The following CACNG3 variants were observed in gnomAD, a reference collection of about 807,000 sequenced individuals.
The protein encoded by CACNG3 is calcium voltage-gated channel auxiliary subunit gamma 3.
A neutral mutation model predicts 28.5 loss-of-function variants in CACNG3; 3 were observed. That is an observed-to-expected ratio of 0.11 (90% CI 0.05 to 0.27). CACNG3 has a LOEUF of 0.27. CACNG3 is among the 10% of genes least tolerant of loss of function. The pLI, the probability that CACNG3 is intolerant of heterozygous loss-of-function variation, is 1.00. For synonymous variants in CACNG3, 174 were observed against 162.2 expected (o/e 1.07, Z -0.55); for missense variants, 236 against 414.4 (o/e 0.57, Z 3.74).
At chr16:24,342,319 T>A (rs925041951) in intron 1 of CACNG3, among the ~76,000 whole-genome samples, 3 of 152,128 alleles carry the variant, frequency 2.0e-5, no homozygotes, top group Admixed American at 2.0e-4. Flanking sequence ...ACTTAATTTT[T>A]AAAAATAAAA....
intron 2 of CACNG3, among the ~76,000 whole-genome samples, chr16:24,347,372 G>A (rs1382334952): frequency 6.6e-6 from 1 of 151,530 alleles, no homozygotes; most frequent in Admixed American, 6.6e-5. Context: ...AAGAGAAAGA[G>A]AAAGAGAAGG....
In CACNG3 at chr16:24,265,350, G is replaced by GGAAAGAAA. The variant is rs3060119; in HGVS notation, c.211+8398_211+8405dup. Among the ~76,000 whole-genome samples the GGAAAGAAA allele has an allele frequency of 8.5e-3, 1,178 of 138,796 alleles. 18 individuals are homozygous for GGAAAGAAA. The highest frequency in any genetic ancestry group is 0.013 in the African/African-American group (480 of 37,034). 91.1% of individuals were successfully genotyped at this position (138,796 alleles called of 152,430 possible). ...AAAGAAAGAAGGAAAGAAAGAAAAA[G>GGAAAGAAA]GAAAGAAAGAAAGAAAGAAAAAAGA... On this transcript the variant is annotated intron_variant, in intron 1 of 3. Transcript: ENST00000005284.
At chr16:24,297,478 C>A (rs1239579684) in intron 1 of CACNG3, among the ~76,000 whole-genome samples, 1 of 152,032 alleles carries the variant, frequency 6.6e-6, no homozygotes, top group Non-Finnish European at 1.5e-5. Flanking sequence ...CAACTGCAAA[C>A]AAGAGAGGAC....
intron 1 of CACNG3, among the ~76,000 whole-genome samples, chr16:24,265,447 A>AAGAG (rs3060121): frequency 0.97 from 144,830 of 149,204 alleles, 70,277 homozygotes; most frequent in East Asian, 0.99. Context: ...GAGAGAAAGA[A>AAGAG]AAAGAAAGAA....
intron 1 of CACNG3, among the ~76,000 whole-genome samples, chr16:24,314,668 C>T (rs999501931): frequency 3.3e-5 from 5 of 152,078 alleles, no homozygotes; most frequent in Admixed American, 6.6e-5. Context: ...CCTGTGTTTC[C>T]ACCGACTCCC....
intron 1 of CACNG3, among the ~76,000 whole-genome samples, chr16:24,267,307 A>T (rs1025884882): frequency 6.6e-6 from 1 of 152,028 alleles, no homozygotes; most frequent in Non-Finnish European, 1.5e-5. Context: ...AATTGTTTTG[A>T]GACAGGGTCT....
At chr16:24,344,938 C>T (rs1277582360) in intron 1 of CACNG3, among the ~76,000 whole-genome samples, 1 of 152,152 alleles carries the variant, frequency 6.6e-6, no homozygotes, top group Non-Finnish European at 1.5e-5. Flanking sequence ...CGTCACTCAC[C>T]AGCTGTGACA....
chr16:24,350,030 A>C (rs1456461603), intron 2 of CACNG3, among the ~76,000 whole-genome samples: 1 of 151,154 alleles, frequency 6.6e-6, no homozygotes, highest in Non-Finnish European at 1.5e-5. Flanking sequence ...TTAGCTCCAT[A>C]TAGTTTGGGG....
intron 1 of CACNG3, among the ~76,000 whole-genome samples, chr16:24,316,798 G>A (rs981805513): frequency 2.6e-5 from 4 of 152,206 alleles, no homozygotes; most frequent in Non-Finnish European, 4.4e-5. Context: ...TGACACAGTG[G>A]CCCCATGTGG....
intron 1 of CACNG3, among the ~76,000 whole-genome samples, chr16:24,307,826 C>T (rs997477434): frequency 2.6e-5 from 4 of 152,210 alleles, no homozygotes; most frequent in Non-Finnish European, 2.9e-5. Context: ...AGAAATCCTG[C>T]CTGGTGGGTA....
intron 1 of CACNG3, among the ~76,000 whole-genome samples, chr16:24,346,274 G>A (rs1899865223): frequency 1.3e-5 from 2 of 152,066 alleles, no homozygotes; most frequent in South Asian, 4.1e-4. Flanking sequence ...GTGCCCTAAA[G>A]AAACATGCTG....
rs1008577846 is a variant in CACNG3, at chr16:24,344,469, C to A, written c.212-2265C>A. ...GTACCTGGTATATAGTAGGTGCACACGTGTGTTACTTATTATGATTTCTTA... is the reference window on the plus strand; with the variant it reads ...GTACCTGGTATATAGTAGGTGCACAAGTGTGTTACTTATTATGATTTCTTA... On this transcript the variant is annotated intron_variant, in intron 1 of 3. Transcript: ENST00000005284. Among the ~76,000 whole-genome samples the A allele has an allele frequency of 4.0e-5, 6 of 151,846 alleles. No homozygotes were observed. In the East Asian group the frequency reaches 1.2e-3, roughly 29 times the overall value.
intron 2 of CACNG3, among the ~76,000 whole-genome samples, chr16:24,352,871 A>T (rs1344951352): frequency 6.6e-6 from 1 of 152,130 alleles, no homozygotes; most frequent in African/African-American, 2.4e-5. Flanking sequence ...TACCCGTTAC[A>T]CGGGGCTCAG....
At chr16:24,320,854 C>T (rs1210657841) in intron 1 of CACNG3, among the ~76,000 whole-genome samples, 3 of 152,046 alleles carry the variant, frequency 2.0e-5, no homozygotes, top group Non-Finnish European at 2.9e-5. Flanking sequence ...CTCAGCCTCC[C>T]GATTAGCTGG....
intron 1 of CACNG3, among the ~76,000 whole-genome samples, chr16:24,265,284 A>AAGGG (rs1898582624): frequency 6.7e-6 from 1 of 150,208 alleles, no homozygotes; most frequent in Non-Finnish European, 1.5e-5. Context: ...GGAAGGAAGG[A>AAGGG]AGGGAGGAAG....
intron 1 of CACNG3, among the ~76,000 whole-genome samples, chr16:24,314,540 T>A (rs866668581): frequency 1.3e-5 from 2 of 152,194 alleles, no homozygotes; most frequent in African/African-American, 2.4e-5. Flanking sequence ...CAGGCTCTTC[T>A]CTAGTCTCCA....
At chr16:24,323,219 C>CAA (rs761999416) in intron 1 of CACNG3, among the ~76,000 whole-genome samples, 5,202 of 66,472 alleles carry the variant, frequency 0.078, 808 homozygotes, top group African/African-American at 0.28. Context: ...GAGCAGGACT[C>CAA]AAAAAAAAAA....
chr16:24,327,871 G>T lies in CACNG3; in HGVS notation c.212-18863G>T, dbSNP rs1053877481. On this transcript the variant is annotated intron_variant, in intron 1 of 3. Coordinates refer to ENST00000005284, the MANE Select transcript of CACNG3 (RefSeq NM_006539.4). ...GCAGGAAAATCACTTGAGCCCAGGA[G>T]TTTGAGGCTGCAGTGAGCTATGATC... is the stretch of plus-strand genomic sequence containing the variant. Among the ~76,000 whole-genome samples the T allele has an allele frequency of 4.6e-5, 7 of 152,122 alleles. No homozygotes were observed. The East Asian group carries it at 1.3e-3, about 29-fold the overall frequency.
intron 1 of CACNG3, among the ~76,000 whole-genome samples, chr16:24,307,293 T>C (rs2141362806): frequency 6.6e-6 from 1 of 152,290 alleles, no homozygotes; most frequent in South Asian, 2.1e-4. Flanking sequence ...AGCTAATTTT[T>C]GTATTTTTAG....
Sources: gnomAD v4.1 joint callset for allele counts (sites outside exome capture counted in the v4.1 genomes callset) on GRCh38, gnomAD v4.1.1 for gene constraint, MANE v1.5 for transcripts, NCBI Gene and HGNC (gene_info 2026-07-23, HGNC 2026-07-21) for gene names.